SRBD1: variants seen among roughly 807,000 people sequenced by gnomAD.
SRBD1 encodes the protein S1 RNA binding domain 1, also known as S1 RNA-binding domain-containing protein 1.
SRBD1 carries 88 observed loss-of-function variants against 115.3 expected under a neutral mutation model. The ratio of observed to expected loss-of-function variants is 0.76; its 90% CI spans 0.64 to 0.91. The LOEUF is 0.91. SRBD1 is among the 40% of genes least tolerant of loss of function. The pLI is 0.00. For synonymous variants in SRBD1, 509 were observed against 407.7 expected (o/e 1.25, Z -2.99); for missense variants, 1,385 against 1,177.4 (o/e 1.18, Z -2.58).
chr2:45,475,249 G>T (rs775233163), intron 16 of SRBD1, among the ~76,000 whole-genome samples: 1 of 152,080 alleles, frequency 6.6e-6, no homozygotes, highest in Non-Finnish European at 1.5e-5. Flanking sequence ...CTGCAAAACA[G>T]ACTTGACTTC....
chr2:45,538,006 G>C (rs894971155), intron 14 of SRBD1, among the ~76,000 whole-genome samples: 5 of 152,154 alleles, frequency 3.3e-5, no homozygotes, highest in African/African-American at 1.2e-4. Flanking sequence ...GGAGGTATGA[G>C]CCAAATGGGC....
At chr2:45,468,282 T>C (rs1489765527) in intron 16 of SRBD1, among the ~76,000 whole-genome samples, 1 of 152,202 alleles carries the variant, frequency 6.6e-6, no homozygotes, top group East Asian at 1.9e-4. Context: ...TTCACTGCTC[T>C]ATCTGTTCTT....
intron 2 of SRBD1, among the ~76,000 whole-genome samples, chr2:45,604,105 T>C (rs1416477459): frequency 2.0e-5 from 3 of 152,078 alleles, no homozygotes; most frequent in African/African-American, 4.8e-5. Flanking sequence ...CACTTTCACA[T>C]CTAGAATCCT....
intron 16 of SRBD1, among the ~76,000 whole-genome samples, chr2:45,449,461 T>A (rs544954316): frequency 2.6e-5 from 4 of 152,312 alleles, no homozygotes; most frequent in African/African-American, 9.6e-5. Flanking sequence ...GATTCTGAAA[T>A]CGCCATATGA....
intron 5 of SRBD1, among the ~76,000 whole-genome samples, chr2:45,583,618 A>ATTT (rs1362635731): frequency 2.6e-5 from 4 of 152,250 alleles, no homozygotes; most frequent in East Asian, 1.9e-4. Context: ...TTTTCTATTC[A>ATTT]CTATTTCATT....
At chr2:45,442,205 G>A (rs1668690355) in intron 16 of SRBD1, among the ~76,000 whole-genome samples, 1 of 152,114 alleles carries the variant, frequency 6.6e-6, no homozygotes, top group Non-Finnish European at 1.5e-5. Flanking sequence ...CTCATTTATG[G>A]GATGTCATTT....
At chr2:45,580,050 T>TA in intron 6 of SRBD1, 37 bp from the exon 7 acceptor site, 5 of 1,438,208 alleles carry the variant, frequency 3.5e-6, no homozygotes, top group Non-Finnish European at 2.8e-6. Flanking sequence ...GATTATGTTT[T>TA]AAAAAAACAA....
intron 14 of SRBD1, among the ~76,000 whole-genome samples, chr2:45,533,627 A>C (rs898473095): frequency 1.3e-5 from 2 of 152,032 alleles, no homozygotes; most frequent in East Asian, 3.9e-4. Flanking sequence ...AGTTTGGAGG[A>C]GTATCTAGGA....
At chr2:45,432,337 T>C (rs1457005884) in intron 16 of SRBD1, among the ~76,000 whole-genome samples, 6 of 152,096 alleles carry the variant, frequency 3.9e-5, no homozygotes, top group Admixed American at 2.6e-4. Context: ...CCAACACTAT[T>C]TTCTAAAACT....
chr2:45,403,282 AACAATTTTGT>A (rs1472400461), intron 19 of SRBD1, among the ~76,000 whole-genome samples: 6 of 152,140 alleles, frequency 3.9e-5, no homozygotes, highest in Non-Finnish European at 7.4e-5. Flanking sequence ...GTGTTCTACC[AACAATTTTGT>A]TTATACAACT....
intron 4 of SRBD1, among the ~76,000 whole-genome samples, chr2:45,588,396 T>C (rs1326980162): frequency 6.6e-6 from 1 of 152,180 alleles, no homozygotes; most frequent in Admixed American, 6.5e-5. Flanking sequence ...TCCTCCCTCT[T>C]TAGAAATACT....
chr2:45,482,319 C>T (rs998102754), intron 15 of SRBD1, among the ~76,000 whole-genome samples: 3 of 151,976 alleles, frequency 2.0e-5, no homozygotes, highest in African/African-American at 7.2e-5. Flanking sequence ...TGATGATTGT[C>T]TACCTAGAAA....
chr2:45,509,790 A>G (rs1670912007), intron 14 of SRBD1, among the ~76,000 whole-genome samples: 1 of 152,160 alleles, frequency 6.6e-6, no homozygotes, highest in African/African-American at 2.4e-5. Context: ...GCTGGAGTGC[A>G]GTGGCGCAGT....
intron 15 of SRBD1, among the ~76,000 whole-genome samples, chr2:45,481,545 G>C (rs1001240659): frequency 1.1e-4 from 17 of 152,100 alleles, no homozygotes; most frequent in African/African-American, 3.6e-4. Context: ...GGACAGCAAA[G>C]TAATAGAAGT....
chr2:45,477,844 A>G (rs1669849384), intron 15 of SRBD1, among the ~76,000 whole-genome samples: 1 of 152,094 alleles, frequency 6.6e-6, no homozygotes, highest in South Asian at 2.1e-4. Context: ...GTCTCTTAAC[A>G]CACCATAGTT....
At chr2:45,508,748 G>A (rs971383133) in intron 14 of SRBD1, among the ~76,000 whole-genome samples, 2 of 152,094 alleles carry the variant, frequency 1.3e-5, no homozygotes, top group African/African-American at 2.4e-5. Context: ...GAGGAAAATA[G>A]AATAGTGATA....
intron 14 of SRBD1, among the ~76,000 whole-genome samples, chr2:45,537,521 C>T (rs927457055): frequency 2.0e-5 from 3 of 152,072 alleles, no homozygotes; most frequent in East Asian, 3.9e-4. Flanking sequence ...ACTGGATGAT[C>T]GAAACAGGAG....
intron 7 of SRBD1, among the ~76,000 whole-genome samples, chr2:45,575,135 G>C (rs1176698301): frequency 6.6e-6 from 1 of 152,112 alleles, no homozygotes; most frequent in Non-Finnish European, 1.5e-5. Context: ...TATTAATAGA[G>C]TCAAAACCCA....
chr2:45,423,610 T>A (rs1668069415), intron 16 of SRBD1, among the ~76,000 whole-genome samples: 1 of 152,116 alleles, frequency 6.6e-6, no homozygotes, highest in Non-Finnish European at 1.5e-5. Context: ...ATTGGTGAAT[T>A]CTACCAAACA....
Sources: allele counts gnomAD v4.1 joint callset (sites outside exome capture counted in the v4.1 genomes callset), GRCh38; gene constraint gnomAD v4.1.1; transcripts MANE v1.5; gene names NCBI Gene and HGNC (gene_info 2026-07-23, HGNC 2026-07-21).